The following ADAMTS12 variants were observed in gnomAD, a reference collection of about 807,000 sequenced individuals.
The protein encoded by ADAMTS12 is ADAM metallopeptidase with thrombospondin type 1 motif 12.
Under a neutral mutation model 167.8 loss-of-function variants are expected in ADAMTS12, and 118 were observed. The observed-to-expected ratio is 0.70, with a 90% CI of 0.61 to 0.82. ADAMTS12 has a LOEUF of 0.82. ADAMTS12 is among the 40% of genes least tolerant of loss of function. ADAMTS12 has a pLI of 0.00. For synonymous variants in ADAMTS12, 704 were observed against 716.9 expected (o/e 0.98, Z 0.29); for missense variants, 1,916 against 1,998.8 (o/e 0.96, Z 0.79).
intron 3 of ADAMTS12, among the ~76,000 whole-genome samples, chr5:33,727,402 A>G (rs966065666): frequency 6.6e-6 from 1 of 152,256 alleles, no homozygotes; most frequent in Non-Finnish European, 1.5e-5. Context: ...GGAAGTTAAC[A>G]TAGCTGTTTT....
At chr5:33,620,383 A>G (rs1438181082) in intron 14 of ADAMTS12, among the ~76,000 whole-genome samples, 1 of 152,262 alleles carries the variant, frequency 6.6e-6, no homozygotes, top group Non-Finnish European at 1.5e-5. Flanking sequence ...CAAGAATTGC[A>G]GGAGATCACT....
intron 2 of ADAMTS12, among the ~76,000 whole-genome samples, chr5:33,850,443 T>G (rs561496691): frequency 2.0e-5 from 3 of 152,190 alleles, no homozygotes; most frequent in Admixed American, 6.5e-5. Flanking sequence ...ACAGGTGCTG[T>G]CAGCCCCTTT....
chr5:33,870,532 T>G (rs916029143), intron 2 of ADAMTS12, among the ~76,000 whole-genome samples: 1 of 152,178 alleles, frequency 6.6e-6, no homozygotes, highest in African/African-American at 2.4e-5. Flanking sequence ...ACTTTTGAGT[T>G]AATGCTGAAA....
intron 20 of ADAMTS12, among the ~76,000 whole-genome samples, chr5:33,553,244 G>A (rs1434910134): frequency 6.6e-6 from 1 of 152,168 alleles, no homozygotes; most frequent in Non-Finnish European, 1.5e-5. Context: ...TGGAGAAAAA[G>A]GAATGCTTAT....
At chr5:33,751,971 G>A (rs1288039542) in intron 2 of ADAMTS12, among the ~76,000 whole-genome samples, 2 of 152,206 alleles carry the variant, frequency 1.3e-5, no homozygotes, top group African/African-American at 4.8e-5. Context: ...TTACCTGCAT[G>A]GGGGTAGCCC....
chr5:33,597,083 C>T (rs778489921), intron 16 of ADAMTS12, among the ~76,000 whole-genome samples: 1 of 152,124 alleles, frequency 6.6e-6, no homozygotes, highest in African/African-American at 2.4e-5. Flanking sequence ...CCAATGAAAT[C>T]AGCACCGTCA....
chr5:33,887,905 C>T (rs1040020035), intron 1 of ADAMTS12, among the ~76,000 whole-genome samples: 3 of 151,876 alleles, frequency 2.0e-5, no homozygotes, highest in African/African-American at 7.3e-5. Flanking sequence ...CCACCACGCC[C>T]GGCTGATTTT....
At chr5:33,864,800 G>A (rs529841218) in intron 2 of ADAMTS12, among the ~76,000 whole-genome samples, 1 of 152,240 alleles carries the variant, frequency 6.6e-6, no homozygotes, top group Admixed American at 6.5e-5. Context: ...GAGAACACAT[G>A]GACACAGGGA....
intron 2 of ADAMTS12, among the ~76,000 whole-genome samples, chr5:33,861,366 G>C (rs1254706672): frequency 1.3e-5 from 2 of 152,044 alleles, no homozygotes; most frequent in Admixed American, 6.6e-5. Flanking sequence ...AAAAAAAGCA[G>C]GGTTTGCAAT....
At chr5:33,676,707 C>CACACACACACAGAG (rs879440613) in intron 5 of ADAMTS12, among the ~76,000 whole-genome samples, 2 of 149,122 alleles carry the variant, frequency 1.3e-5, no homozygotes, top group African/African-American at 2.5e-5. Flanking sequence ...CACACACACA[C>CACACACACACAGAG]AGAGAGAGAG....
intron 6 of ADAMTS12, among the ~76,000 whole-genome samples, chr5:33,660,020 A>G (rs1283237972): frequency 3.9e-5 from 6 of 152,202 alleles, no homozygotes; most frequent in Non-Finnish European, 5.9e-5. Flanking sequence ...TAGAGGCCAG[A>G]TATGCTGCTA....
intron 1 of ADAMTS12, among the ~76,000 whole-genome samples, chr5:33,891,278 G>C (rs866716805): frequency 2.0e-5 from 3 of 152,094 alleles, no homozygotes; most frequent in African/African-American, 7.2e-5. Flanking sequence ...TGCTCAGTAG[G>C]GGGGAAGAAT....
At chr5:33,880,681 C>T (rs1441976482) in intron 2 of ADAMTS12, among the ~76,000 whole-genome samples, 2 of 152,226 alleles carry the variant, frequency 1.3e-5, no homozygotes, top group South Asian at 2.1e-4. Context: ...AGTCTGATTA[C>T]GAAGCACACA....
At chr5:33,824,955 T>A (rs1047216470) in intron 2 of ADAMTS12, among the ~76,000 whole-genome samples, 1 of 152,140 alleles carries the variant, frequency 6.6e-6, no homozygotes, top group African/African-American at 2.4e-5. Context: ...ATTCCTGAGC[T>A]ACCACTGGAA....
At chr5:33,557,997 G>T (rs992649191) in intron 20 of ADAMTS12, among the ~76,000 whole-genome samples, 3 of 151,970 alleles carry the variant, frequency 2.0e-5, no homozygotes, top group Admixed American at 6.6e-5. Context: ...ATCACCCCTA[G>T]ATAGGACCAT....
intron 2 of ADAMTS12, among the ~76,000 whole-genome samples, chr5:33,800,901 A>G (rs1241753858): frequency 6.6e-6 from 1 of 152,220 alleles, no homozygotes; most frequent in African/African-American, 2.4e-5. Context: ...AACCAAAAAA[A>G]GGATTTTTCA....
At chr5:33,828,633 C>A (rs1428920763) in intron 2 of ADAMTS12, among the ~76,000 whole-genome samples, 1 of 152,144 alleles carries the variant, frequency 6.6e-6, no homozygotes, top group South Asian at 2.1e-4. Context: ...AGTCCTTAAT[C>A]CACCTAGGGT....
intron 3 of ADAMTS12, among the ~76,000 whole-genome samples, chr5:33,728,295 G>C (rs1490479195): frequency 1.3e-5 from 2 of 152,170 alleles, no homozygotes; most frequent in Admixed American, 6.5e-5. Flanking sequence ...AAGTGGAAAG[G>C]GGGAGGGGAA....
rs1425998166 is a variant in ADAMTS12 at position 33,571,476 on chromosome 5, C to T, written c.3972+4578G>A. The stretch of plus-strand genomic sequence containing the variant: ...ACCACTCAACTACATGGAAACTGAA[C>T]AACCTGCTCCCGAATGACTACTGGG... On this transcript the variant is annotated intron_variant, in intron 19 of 23. Transcript: ENST00000504830. 4.6e-5 allele frequency among the ~76,000 whole-genome samples: 7 copies of T among 152,164 alleles called. No homozygotes were observed. The East Asian group carries it at 1.2e-3, about 25-fold the overall frequency.
Sources: allele counts gnomAD v4.1 joint callset (sites outside exome capture counted in the v4.1 genomes callset), GRCh38; gene constraint gnomAD v4.1.1; transcripts MANE v1.5; gene names NCBI Gene and HGNC (gene_info 2026-07-23, HGNC 2026-07-21).